Variants in ZNF385C observed in about 807,000 individuals in gnomAD.
ZNF385C encodes the protein CTD-2132N18.2.
In ZNF385C, 28 loss-of-function variants were observed where a neutral mutation model predicts 35.4. That is an observed-to-expected ratio of 0.79 (90% confidence interval 0.59 to 1.08). The LOEUF is 1.08. ZNF385C is among the 50% of genes least tolerant of loss of function. The pLI, the probability that ZNF385C is intolerant of heterozygous loss-of-function variation, is 0.00. For synonymous variants in ZNF385C, 248 were observed against 248.2 expected, an observed-to-expected ratio of 1.00 and a Z score of 0.01; for missense variants, 605 against 595.6, an observed-to-expected ratio of 1.02 and a Z score of -0.16.
rs868983246 is a variant in ZNF385C at position 42,068,277 on chromosome 17, C to T, written c.-2-5219G>A. On this transcript the variant is annotated intron_variant, in intron 1 of 8. Coordinates refer to ENST00000692273, the MANE Select transcript of ZNF385C (RefSeq NM_001392013.1). ...GCCAGCATGACCCACGCTAGCAGGA[C>T]CTACACTTGGACAGGACCTAGTCCA... Among the ~76,000 whole-genome samples, 14 of 152,058 alleles carry T rather than the reference C, an allele frequency of 9.2e-5. 1 individual carries two copies. The Middle Eastern group carries it at 0.01, about 111-fold the overall frequency.
In ZNF385C at chr17:42,027,097, A is replaced by G. The variant is rs1420879517; in HGVS notation, c.1312T>C (p.Leu438=). Residue 438 remains leucine, a synonymous_variant, in exon 9 of 9, where the codon TTG becomes CTG. Coordinates refer to ENST00000692273, the MANE Select transcript of ZNF385C (RefSeq NM_001392013.1). ...GGGCTGGGCAGGAAGCGGGCTGCCA[A>G]CGTCTTGGTGAGTTGCTTCTGCAAG... The part of the protein sequence containing the change: ...LALQKQLTKT[L]AARFLPSPLP... 13 of 1,613,232 alleles carry G rather than the reference A, an allele frequency of 8.1e-6. No individual in the cohort carries two copies. Among genetic ancestry groups the G allele is most frequent in the African/African-American group, 1.3e-5 (1 of 74,984 alleles).
At position 42,085,743 on chromosome 17, in the gene ZNF385C, G is replaced by A. The variant is rs74973626; in HGVS notation, c.-3+12667C>T. Among the ~76,000 whole-genome samples the A allele has an allele frequency of 8.4e-3, 1,282 of 151,972 alleles. 19 individuals are homozygous for A. Among genetic ancestry groups the A allele is most frequent in the African/African-American group, 0.028 (1,174 of 41,444 alleles). ...CTCCCCAGTAGCTGGGATTACAGGCGTCTGTCTCTGCGCCTGGCTAATTTT... is the reference window on the plus strand; with the variant it reads ...CTCCCCAGTAGCTGGGATTACAGGCATCTGTCTCTGCGCCTGGCTAATTTT... On this transcript the variant is annotated intron_variant, in intron 1 of 8. Transcript: ENST00000692273.
At chr17:42,052,141 G>A (rs2053294015) in intron 2 of ZNF385C, among the ~76,000 whole-genome samples, 1 of 152,198 alleles carries the variant, frequency 6.6e-6, no homozygotes, top group African/African-American at 2.4e-5. Context: ...ACTGCCTCAA[G>A]AGGGTGGGGT....
chr17:42,079,203 A>T (rs6503685), intron 1 of ZNF385C, among the ~76,000 whole-genome samples: 54,472 of 113,306 alleles, frequency 0.48, 12,607 homozygotes, highest in Admixed American at 0.52. Context: ...AAAAAAAAAA[A>T]ATATATATAT....
chr17:42,028,271 T>C, intron 6 of ZNF385C, 25 bp from the exon 7 acceptor site: 2 of 1,514,680 alleles, frequency 1.3e-6, no homozygotes, highest in African/African-American at 2.8e-5. Flanking sequence ...AGGCAGTCTC[T>C]CAGCAGCAGG....
At position 42,027,861 on chromosome 17, in the gene ZNF385C, G is replaced by T. The variant is rs563277863; in HGVS notation, c.1165-133C>A. On this transcript the variant is annotated intron_variant, in intron 7 of 8. Transcript: ENST00000692273. The stretch of plus-strand genomic sequence containing the variant: ...GCACACAGACTGGGTCCTCACCCTG[G>T]GGTAGGCCCTGGGAAGGGGAGGTGA... The T allele has an allele frequency of 1.2e-4, 150 of 1,228,548 alleles. 2 individuals are homozygous for T. Among genetic ancestry groups the T allele is most frequent in the African/African-American group, 1.2e-3 (77 of 65,892 alleles). The allele number at this position is 1,228,548 out of a possible 1,614,324, so 76.1% of individuals were successfully genotyped here.
chr17:42,079,203 A>AT lies in ZNF385C; in HGVS notation c.-2-16146_-2-16145insA, dbSNP rs1555659528. Among the ~76,000 whole-genome samples, 969 of 113,686 alleles carry AT rather than the reference A, an allele frequency of 8.5e-3. 2 individuals are homozygous for AT. Among genetic ancestry groups the AT allele is most frequent in the East Asian group, 0.015 (67 of 4,514 alleles). The allele number at this position is 113,686 out of a possible 152,430, so 74.6% of individuals were successfully genotyped here. A position where few individuals can be genotyped will look rare whatever the true frequency, so the allele number is the denominator to read the frequency against. On this transcript the variant is annotated intron_variant, in intron 1 of 8. Coordinates refer to ENST00000692273, the MANE Select transcript of ZNF385C (RefSeq NM_001392013.1). Reference sequence around the variant, plus strand: ...CCTGTCTCGCAAAAAAAAAAAAAAAAATATATATATATATACATATATATA... The same window carrying AT: ...CCTGTCTCGCAAAAAAAAAAAAAAAATATATATATATATATACATATATATA...
chr17:42,043,144 C>T (rs561668421), intron 2 of ZNF385C: 5 of 1,232,192 alleles, frequency 4.1e-6, no homozygotes, highest in African/African-American at 1.5e-5. Context: ...GGTCACGTGG[C>T]GCAGCAGGGC....
rs1233375122 is a variant in ZNF385C, at chr17:42,026,697, C to A, written c.*200G>T. The A allele has an allele frequency of 8.0e-6, 5 of 627,948 alleles. No homozygotes were observed. The South Asian group carries it at 9.6e-5, about 12-fold the overall frequency. The allele number at this position is 627,948 out of a possible 1,614,324, so 38.9% of individuals were successfully genotyped here. A position where few individuals can be genotyped will look rare whatever the true frequency, so the allele number is the denominator to read the frequency against. On this transcript the variant is annotated 3_prime_UTR_variant, in exon 9 of 9. Coordinates refer to ENST00000692273, the MANE Select transcript of ZNF385C (RefSeq NM_001392013.1). ...GAAATGCAGGCAAGCCTAGGATTAACCCTGGAAGGCCTGCGAAAGGAGGGT... is the reference window on the plus strand; with the variant it reads ...GAAATGCAGGCAAGCCTAGGATTAAACCTGGAAGGCCTGCGAAAGGAGGGT...
intron 1 of ZNF385C, among the ~76,000 whole-genome samples, chr17:42,092,823 G>T (rs1473813653): frequency 4.6e-5 from 7 of 152,194 alleles, no homozygotes; most frequent in Admixed American, 4.6e-4. Context: ...CTGGGGAGGG[G>T]GTCAGCTGGC....
chr17:42,038,302 C>T (rs2052913937), intron 2 of ZNF385C: 2 of 505,230 alleles, frequency 4.0e-6, no homozygotes, highest in Non-Finnish European at 7.0e-6. Context: ...GGCTAGCCCT[C>T]GCCCCTCTCA....
intron 3 of ZNF385C, among the ~76,000 whole-genome samples, chr17:42,036,342 G>A (rs2052855911): frequency 6.6e-6 from 1 of 151,716 alleles, no homozygotes; most frequent in South Asian, 2.1e-4. Context: ...ATAGAATTAA[G>A]GCTTTATGTT....
At chr17:42,072,560 A>T (rs1375783235) in intron 1 of ZNF385C, among the ~76,000 whole-genome samples, 1 of 151,940 alleles carries the variant, frequency 6.6e-6, no homozygotes, top group African/African-American at 2.4e-5. Context: ...GCCCGCGCCT[A>T]CCTGGAGAGC....
At chr17:42,046,857 T>G (rs2053171452) in intron 2 of ZNF385C, among the ~76,000 whole-genome samples, 1 of 152,022 alleles carries the variant, frequency 6.6e-6, no homozygotes. Flanking sequence ...GATGATATTT[T>G]TTTTCCTTTT....
At chr17:42,082,723 A>G (rs1315011879) in intron 1 of ZNF385C, among the ~76,000 whole-genome samples, 1 of 152,162 alleles carries the variant, frequency 6.6e-6, no homozygotes, top group African/African-American at 2.4e-5. Context: ...GGTTGAGTCT[A>G]GGAGTTTGAG....
rs556354814 is a variant in ZNF385C at position 42,059,326 on chromosome 17, C to T, written c.250+3481G>A. On this transcript the variant is annotated intron_variant, in intron 2 of 8. Coordinates refer to ENST00000692273, the MANE Select transcript of ZNF385C (RefSeq NM_001392013.1). ...AGGTACCAGGCACTGCTCAGTGGTA[C>T]TGCCCAGCATCCTGCCTGAGCCCAG... is the stretch of plus-strand genomic sequence containing the variant. 2.6e-5 allele frequency among the ~76,000 whole-genome samples: 4 copies of T among 152,338 alleles called. No homozygotes were observed. The South Asian group carries it at 6.2e-4, about 24-fold the overall frequency.
chr17:42,027,035 T>C lies in ZNF385C; in HGVS notation c.1374A>G (p.Pro458=), dbSNP rs1555654273. The stretch of plus-strand genomic sequence containing the variant: ...GGGCAGGGCGGAGGGCCAGGGGCCC[T>C]GGCAGAGCACAGATGGCAGTGGCTG... The part of the protein sequence containing the change: ...PTAATAICAL[P]GPLALRPAPT... The change falls in exon 9 of 9, where the codon CCA becomes CCG. Residue 458 remains proline, a synonymous_variant. Transcript: ENST00000692273. 6.2e-7 allele frequency: 1 copy of C among 1,608,034 alleles called. No individual in the cohort carries two copies. The highest frequency in any genetic ancestry group is 1.7e-5 in the Admixed American group (1 of 59,342).
chr17:42,034,345 G>A lies in ZNF385C; in HGVS notation c.400-10C>T, dbSNP rs782367548. The A allele has an allele frequency of 9.1e-6, 14 of 1,546,942 alleles. No individual in the cohort carries two copies. In the Admixed American group the frequency reaches 2.7e-4, roughly 30 times the overall value. ...TCTGGACCGGGTCCATCTGTGAAGGGAGTGGGAGGGCATAATAACTCTGGG... is the reference window on the plus strand; with the variant it reads ...TCTGGACCGGGTCCATCTGTGAAGGAAGTGGGAGGGCATAATAACTCTGGG... On this transcript the variant is annotated splice_polypyrimidine_tract_variant and intron_variant, in intron 3 of 8. Coordinates refer to ENST00000692273, the MANE Select transcript of ZNF385C (RefSeq NM_001392013.1).
chr17:42,090,277 CTTTTTTTTTTTT>C (rs1162613191), intron 1 of ZNF385C, among the ~76,000 whole-genome samples: 1 of 98,922 alleles, frequency 1.0e-5, no homozygotes, highest in East Asian at 2.7e-4. Flanking sequence ...CTCTTATTCC[CTTTTTTTTTTTT>C]TTTTTTTTTT....
Sources: gnomAD v4.1 joint callset for allele counts (sites outside exome capture counted in the v4.1 genomes callset) on GRCh38, gnomAD v4.1.1 for gene constraint, MANE v1.5 for transcripts, NCBI Gene and HGNC (gene_info 2026-07-23, HGNC 2026-07-21) for gene names.